The following BEND4 variants were observed in gnomAD, a reference collection of about 807,000 sequenced individuals.
The protein encoded by BEND4 is BEN domain containing 4, also known as BEN domain-containing protein 4.
In BEND4, 27 loss-of-function variants were observed where a neutral mutation model predicts 54.7. The ratio of observed to expected loss-of-function variants is 0.49; its 90% CI spans 0.36 to 0.68. BEND4 has a LOEUF of 0.68. BEND4 is among the 30% of genes least tolerant of loss of function. The pLI is 0.00. For synonymous variants in BEND4, 327 were observed against 299.5 expected, an observed-to-expected ratio of 1.09 and a Z score of -0.95; for missense variants, 702 against 697.2, an observed-to-expected ratio of 1.01 and a Z score of -0.08.
chr4:42,113,538 A>G lies in BEND4; in HGVS notation c.*3980T>C, dbSNP rs1704562218. On this transcript the variant is annotated 3_prime_UTR_variant, in exon 6 of 6. Transcript: ENST00000502486. ...AGAGCGGCAGGGGAATGTAGGAATC[A>G]TAAACCTACAGATTCGAAGTCTGGG... 1 of 152,348 alleles carries G rather than the reference A, an allele frequency of 6.6e-6. No homozygotes were observed. Among genetic ancestry groups the G allele is most frequent in the Admixed American group, 6.5e-5 (1 of 15,304 alleles). The allele number at this position is 152,348 out of a possible 1,614,324, so 9.4% of individuals were successfully genotyped here.
chr4:42,138,147 A>G (rs1326470230), intron 3 of BEND4, among the ~76,000 whole-genome samples: 2 of 152,240 alleles, frequency 1.3e-5, no homozygotes, highest in Admixed American at 6.5e-5. Flanking sequence ...CGTTCATTGC[A>G]GCATTATTCC....
In BEND4 at chr4:42,113,103, A is replaced by C. The variant is rs1719640730; in HGVS notation, c.*4415T>G. The C allele has an allele frequency of 6.6e-6, 1 of 152,256 alleles. No homozygotes were observed. Among genetic ancestry groups the C allele is most frequent in the Non-Finnish European group, 1.5e-5 (1 of 68,034 alleles). The allele number at this position is 152,256 out of a possible 1,614,324, so 9.4% of individuals were successfully genotyped here. A position where few individuals can be genotyped will look rare whatever the true frequency, so the allele number is the denominator to read the frequency against. On this transcript the variant is annotated 3_prime_UTR_variant, in exon 6 of 6. Transcript: ENST00000502486. ...CTCCATTTGACATGTTTTGCCAAACAGTTCTGGCACGTGTTGCCACATTAA... is the reference window on the plus strand; with the variant it reads ...CTCCATTTGACATGTTTTGCCAAACCGTTCTGGCACGTGTTGCCACATTAA...
chr4:42,142,067 C>A (rs561426440), intron 3 of BEND4, among the ~76,000 whole-genome samples: 1 of 151,696 alleles, frequency 6.6e-6, no homozygotes, highest in South Asian at 2.1e-4. Flanking sequence ...CCATGCCTGG[C>A]GACTTTTGTG....
At chr4:42,119,113 G>A (rs1719961202) in intron 5 of BEND4, among the ~76,000 whole-genome samples, 1 of 152,092 alleles carries the variant, frequency 6.6e-6, no homozygotes, top group South Asian at 2.1e-4. Flanking sequence ...TGCATCCTAG[G>A]CACATAATGT....
chr4:42,141,480 C>T (rs1167754218), intron 3 of BEND4, among the ~76,000 whole-genome samples: 1 of 152,178 alleles, frequency 6.6e-6, no homozygotes, highest in African/African-American at 2.4e-5. Context: ...GCCTGTAGTC[C>T]CAGCACTTTG....
intron 2 of BEND4, among the ~76,000 whole-genome samples, chr4:42,147,449 C>G (rs1721114813): frequency 1.3e-5 from 2 of 151,062 alleles, no homozygotes; most frequent in African/African-American, 4.9e-5. Flanking sequence ...CTTAACTCAG[C>G]AAACTGTGAA....
chr4:42,143,683 G>T lies in BEND4; in HGVS notation c.799C>A (p.Pro267Thr), dbSNP rs755122214. The T allele has an allele frequency of 6.2e-7, 1 of 1,614,006 alleles. No homozygotes were observed. Among genetic ancestry groups the T allele is most frequent in the East Asian group, 2.2e-5 (1 of 44,882 alleles). Residue 267 changes from proline (P) to threonine (T), a missense_variant, in exon 3 of 6, where the codon CCC (proline) becomes ACC (threonine). By Grantham distance (38) the Pro-to-Thr change is conservative. Transcript: ENST00000502486. ...TGGCCATATTCACTGGCTGACGAGG[G>T]GTTTGGAGTTGGAAAGCTTCCCGAG... is the stretch of plus-strand genomic sequence containing the variant. ...LLSGSFPTPN[P>T]SSASEYGHLA...
At chr4:42,149,040 C>T (rs1387033786) in intron 2 of BEND4, among the ~76,000 whole-genome samples, 1 of 152,214 alleles carries the variant, frequency 6.6e-6, no homozygotes, top group Admixed American at 6.5e-5. Flanking sequence ...CATCTTTTCA[C>T]TCCATTTACT....
At chr4:42,142,180 A>G (rs1257964746) in intron 3 of BEND4, among the ~76,000 whole-genome samples, 2 of 150,122 alleles carry the variant, frequency 1.3e-5, no homozygotes. Flanking sequence ...TGCTGGGATT[A>G]CAGGCGTGAG....
intron 2 of BEND4, among the ~76,000 whole-genome samples, chr4:42,144,577 T>C (rs528729906): frequency 1.4e-4 from 22 of 152,370 alleles, no homozygotes; most frequent in Non-Finnish European, 2.8e-4. Context: ...CAAAACTGTA[T>C]GTGTCTTCTA....
Position 42,151,698 on chromosome 4 carries a change from CCGGTGCCGG to C in BEND4, c.437_445del (p.Ala146_Thr148del). On this transcript the variant is annotated inframe_deletion, in exon 2 of 6. Coordinates refer to ENST00000502486, the MANE Select transcript of BEND4 (RefSeq NM_207406.4). ...GCTGGCGCTGTCGCTACCCGTGCCG[CCGGTGCCGG>C]CGGCCGCCGCCGCGCCTGGGCCATA... is the stretch of plus-strand genomic sequence containing the variant. The C allele has an allele frequency of 6.6e-7, 1 of 1,504,764 alleles. No individual in the cohort carries two copies. The highest frequency in any genetic ancestry group is 8.8e-7 in the Non-Finnish European group (1 of 1,130,732). The allele number at this position is 1,504,764 out of a possible 1,614,324, so 93.2% of individuals were successfully genotyped here.
At chr4:42,117,757 C>T (rs1459002210) in intron 5 of BEND4, 22 bp from the exon 6 acceptor site, 1 of 1,500,360 alleles carries the variant, frequency 6.7e-7, no homozygotes, top group African/African-American at 1.4e-5. Context: ...TATACAACAT[C>T]AAAAAGAGAG....
At chr4:42,150,461 T>C (rs1004219480) in intron 2 of BEND4, among the ~76,000 whole-genome samples, 5 of 152,212 alleles carry the variant, frequency 3.3e-5, no homozygotes, top group South Asian at 2.1e-4. Flanking sequence ...TGTCAAAATA[T>C]TGACAAACAA....
intron 3 of BEND4, among the ~76,000 whole-genome samples, chr4:42,129,928 A>T (rs112577618): frequency 2.6e-5 from 4 of 152,350 alleles, no homozygotes; most frequent in African/African-American, 9.6e-5. Context: ...AAGCTTCTGC[A>T]CAGCAAAAGA....
At chr4:42,130,056 A>G (rs973650449) in intron 3 of BEND4, among the ~76,000 whole-genome samples, 9 of 152,230 alleles carry the variant, frequency 5.9e-5, no homozygotes, top group Non-Finnish European at 8.8e-5. Context: ...TTCATAAGAG[A>G]AAAACAAACA....
Position 42,152,202 on chromosome 4 carries a change from C to T in BEND4, c.-59G>A, listed in dbSNP as rs1417748944. 1.5e-5 allele frequency: 18 copies of T among 1,231,152 alleles called. No individual in the cohort carries two copies. Among genetic ancestry groups the T allele is most frequent in the Non-Finnish European group, 1.7e-5 (17 of 980,462 alleles). 76.3% of individuals were successfully genotyped at this position (1,231,152 alleles called of 1,614,324 possible). ...CCCCTCCCCGCCGGGCGCCGGGCTCCGAGGGTGCCTCCGCCGCCTGCCCGC... is the reference window on the plus strand; with the variant it reads ...CCCCTCCCCGCCGGGCGCCGGGCTCTGAGGGTGCCTCCGCCGCCTGCCCGC... On this transcript the variant is annotated 5_prime_UTR_variant, in exon 2 of 6. Coordinates refer to ENST00000502486, the MANE Select transcript of BEND4 (RefSeq NM_207406.4).
chr4:42,119,529 C>T (rs535749799), intron 5 of BEND4, among the ~76,000 whole-genome samples: 1 of 152,164 alleles, frequency 6.6e-6, no homozygotes, highest in African/African-American at 2.4e-5. Context: ...ATTATCTCTG[C>T]AGTACACTTA....
chr4:42,145,788 T>C (rs1721058250), intron 2 of BEND4, among the ~76,000 whole-genome samples: 1 of 151,962 alleles, frequency 6.6e-6, no homozygotes, highest in African/African-American at 2.4e-5. Flanking sequence ...TGAATCCCGC[T>C]GAAAAACTGC....
chr4:42,143,531 C>CTCG lies in BEND4; in HGVS notation c.950_951insCGA (p.Glu316_Glu317insAsp), dbSNP rs1468354323. ...ATCGAGGACAATAGCCTTCCTCGTCCTCCTCCTCCTCCTCTTCTGGCAGTG... is the reference window on the plus strand; with the variant it reads ...ATCGAGGACAATAGCCTTCCTCGTCCTCGTCCTCCTCCTCCTCTTCTGGCAGTG... On this transcript the variant is annotated inframe_insertion, in exon 3 of 6. Transcript: ENST00000502486. 13 of 1,531,074 alleles carry CTCG rather than the reference C, an allele frequency of 8.5e-6. No individual in the cohort carries two copies. The Admixed American group carries it at 2.0e-4, about 23-fold the overall frequency. The allele number at this position is 1,531,074 out of a possible 1,614,324, so 94.8% of individuals were successfully genotyped here. A position where few individuals can be genotyped will look rare whatever the true frequency, so the allele number is the denominator to read the frequency against.
Sources: gnomAD v4.1 joint callset for allele counts (sites outside exome capture counted in the v4.1 genomes callset) on GRCh38, gnomAD v4.1.1 for gene constraint, MANE v1.5 for transcripts, NCBI Gene and HGNC (gene_info 2026-07-23, HGNC 2026-07-21) for gene names.